Variants in MAPK10 observed in about 807,000 individuals in gnomAD.
MAPK10 encodes the protein mitogen-activated protein kinase 10, also known as JNK3 alpha protein kinase.
Under a neutral mutation model 59.3 loss-of-function variants are expected in MAPK10, and 25 were observed. The ratio of observed to expected loss-of-function variants is 0.42; its 90% CI spans 0.31 to 0.59. MAPK10 has a LOEUF of 0.59. MAPK10 is among the 20% of genes least tolerant of loss of function. MAPK10 has a pLI of 0.15. For synonymous variants in MAPK10, 190 were observed against 200.5 expected (o/e 0.95, Z 0.44); for missense variants, 351 against 568.9 (o/e 0.62, Z 3.90).
At chr4:86,527,312 C>CA (rs57390422) in intron 1 of MAPK10, among the ~76,000 whole-genome samples, 1,007 of 16,172 alleles carry the variant, frequency 0.062, 270 homozygotes, top group African/African-American at 0.11. Context: ...ACACTGTTGC[C>CA]AAAAAAAAAA....
chr4:86,572,774 T>C (rs1313185109), intron 1 of MAPK10, among the ~76,000 whole-genome samples: 1 of 152,162 alleles, frequency 6.6e-6, no homozygotes, highest in Non-Finnish European at 1.5e-5. Context: ...CCAGCAACAT[T>C]TGAAAGTTCC....
chr4:86,517,160 T>C (rs577674565), intron 1 of MAPK10, among the ~76,000 whole-genome samples: 1 of 152,320 alleles, frequency 6.6e-6, no homozygotes, highest in African/African-American at 2.4e-5. Flanking sequence ...TCTGCATCTA[T>C]TAAGATAATC....
chr4:86,212,914 C>T (rs934144269), intron 2 of MAPK10, among the ~76,000 whole-genome samples: 1 of 152,054 alleles, frequency 6.6e-6, no homozygotes, highest in African/African-American at 2.4e-5. Context: ...AACCGTCTTC[C>T]TCAAAACAAT....
intron 9 of MAPK10, among the ~76,000 whole-genome samples, chr4:86,097,456 A>C (rs2054459640): frequency 1.3e-5 from 2 of 152,010 alleles, no homozygotes; most frequent in South Asian, 4.1e-4. Flanking sequence ...CCTTTCTTAC[A>C]TAATAGAAGG....
intron 2 of MAPK10, among the ~76,000 whole-genome samples, chr4:86,261,649 TATAA>T (rs2093985643): frequency 6.6e-6 from 1 of 152,196 alleles, no homozygotes. Flanking sequence ...TGAGAAAAAT[TATAA>T]ATAAATGATA....
chr4:86,136,870 G>T (rs1299791154), intron 4 of MAPK10, among the ~76,000 whole-genome samples: 1 of 152,088 alleles, frequency 6.6e-6, no homozygotes, highest in Admixed American at 6.5e-5. Flanking sequence ...ACAAAAAAAG[G>T]CAGGGGTTGT....
At chr4:86,355,515 C>T (rs536782447) in intron 1 of MAPK10, among the ~76,000 whole-genome samples, 35 of 152,184 alleles carry the variant, frequency 2.3e-4, no homozygotes, top group Non-Finnish European at 4.7e-4. Context: ...TTTATACCAT[C>T]TTTATTGTTA....
rs557584591 is a variant in MAPK10 at position 86,202,801 on chromosome 4, C to T, written c.-6-8394G>A. 3.9e-5 allele frequency among the ~76,000 whole-genome samples: 6 copies of T among 152,072 alleles called. No homozygotes were observed. In the South Asian group the frequency reaches 8.3e-4, roughly 21 times the overall value. On this transcript the variant is annotated intron_variant, in intron 2 of 13. Transcript: ENST00000641462. Reference sequence around the variant, plus strand: ...TAATCTTGCTATGAAAAGCAGGCATCCTGATCTTTCCTAGTTTGCATTACA... The same window carrying T: ...TAATCTTGCTATGAAAAGCAGGCATTCTGATCTTTCCTAGTTTGCATTACA...
chr4:86,170,958 C>T (rs1384720915), intron 3 of MAPK10: 1 of 151,866 alleles, frequency 6.6e-6, no homozygotes, highest in Non-Finnish European at 1.5e-5. Context: ...ACTGAACAAC[C>T]TGCTCCTGAA....
chr4:86,397,246 T>G (rs2149014057), intron 1 of MAPK10, among the ~76,000 whole-genome samples: 1 of 152,340 alleles, frequency 6.6e-6, no homozygotes, highest in African/African-American at 2.4e-5. Flanking sequence ...TTGGTCTAAC[T>G]TATTGAGAAC....
At chr4:86,389,517 G>C (rs867713662) in intron 1 of MAPK10, among the ~76,000 whole-genome samples, 19 of 152,314 alleles carry the variant, frequency 1.2e-4, no homozygotes, top group African/African-American at 4.3e-4. Flanking sequence ...AGTTTTTAGA[G>C]TTTATTGTTT....
intron 1 of MAPK10, among the ~76,000 whole-genome samples, chr4:86,536,576 C>T (rs181816938): frequency 5.3e-5 from 8 of 152,222 alleles, no homozygotes; most frequent in African/African-American, 1.9e-4. Flanking sequence ...ATTTTTCTTC[C>T]TTTAGTTGTA....
chr4:86,200,858 C>A (rs1452460287), intron 2 of MAPK10, among the ~76,000 whole-genome samples: 2 of 151,806 alleles, frequency 1.3e-5, no homozygotes, highest in African/African-American at 4.8e-5. Flanking sequence ...GTGTTAGGAA[C>A]ATTCTAATTC....
intron 1 of MAPK10, among the ~76,000 whole-genome samples, chr4:86,581,899 TTATATATATATATATATA>T (rs67303972): frequency 0.32 from 29,125 of 91,522 alleles, 4,788 homozygotes; most frequent in South Asian, 0.47. Flanking sequence ...GCTATATATA[TTATATATATATATATATA>T]TATATATATA....
chr4:86,210,415 G>A (rs555807258), intron 2 of MAPK10, among the ~76,000 whole-genome samples: 2 of 151,640 alleles, frequency 1.3e-5, no homozygotes, highest in South Asian at 4.2e-4. Context: ...GAGCTCAAAC[G>A]ACTCTATTAG....
chr4:86,473,066 T>C (rs1160099996), intron 1 of MAPK10, among the ~76,000 whole-genome samples: 2 of 152,230 alleles, frequency 1.3e-5, no homozygotes, highest in African/African-American at 2.4e-5. Flanking sequence ...CACTCTCCAC[T>C]GTTAACAGGG....
intron 1 of MAPK10, among the ~76,000 whole-genome samples, chr4:86,486,941 C>T (rs897105594): frequency 2.6e-5 from 4 of 152,234 alleles, no homozygotes; most frequent in African/African-American, 7.2e-5. Flanking sequence ...AAGAAAGGCA[C>T]GATCTGAGCC....
intron 1 of MAPK10, among the ~76,000 whole-genome samples, chr4:86,490,685 A>G (rs955539594): frequency 6.6e-6 from 1 of 152,212 alleles, no homozygotes; most frequent in African/African-American, 2.4e-5. Context: ...TCACCCACGC[A>G]GAGACAGTTC....
chr4:86,197,642 A>G (rs1423821653), intron 2 of MAPK10, among the ~76,000 whole-genome samples: 3 of 152,116 alleles, frequency 2.0e-5, no homozygotes, highest in Non-Finnish European at 2.9e-5. Context: ...AAAGCTTACT[A>G]TAGGAAGTTT....
Sources: gnomAD v4.1 joint callset for allele counts (sites outside exome capture counted in the v4.1 genomes callset) on GRCh38, gnomAD v4.1.1 for gene constraint, MANE v1.5 for transcripts, NCBI Gene and HGNC (gene_info 2026-07-23, HGNC 2026-07-21) for gene names.